The following ADGRG7 variants were observed in gnomAD, a reference collection of about 807,000 sequenced individuals.
The protein encoded by ADGRG7 is adhesion G protein-coupled receptor G7.
A neutral mutation model predicts 88.6 loss-of-function variants in ADGRG7; 82 were observed. That is an observed-to-expected ratio of 0.93 (90% CI 0.77 to 1.11). The LOEUF (loss-of-function observed/expected upper bound fraction) is 1.11, where lower values mean the gene tolerates loss of function less well. Among genes scored for constraint, ADGRG7 ranks in the 50% most tolerant of loss-of-function variants. The pLI, the probability that ADGRG7 is intolerant of heterozygous loss-of-function variation, is 0.00. For missense variants in ADGRG7, 945 were observed against 953.4 expected (o/e 0.99, Z 0.12); for synonymous variants, 381 against 345.2 (o/e 1.10, Z -1.15).
chr3:100,626,562 G>A (rs956379833), intron 1 of ADGRG7, among the ~76,000 whole-genome samples: 16 of 152,238 alleles, frequency 1.1e-4, no homozygotes, highest in African/African-American at 2.6e-4. Flanking sequence ...CAAGGTGGGC[G>A]GATCGTGAGG....
chr3:100,651,685 T>A (rs79801483), intron 11 of ADGRG7, among the ~76,000 whole-genome samples: 3 of 144,418 alleles, frequency 2.1e-5, no homozygotes, highest in East Asian at 3.9e-4. Flanking sequence ...CTCAAACAAA[T>A]TTTTTTTTTT....
chr3:100,658,665 A>G (rs2094940766), intron 13 of ADGRG7, among the ~76,000 whole-genome samples: 1 of 151,918 alleles, frequency 6.6e-6, no homozygotes, highest in African/African-American at 2.4e-5. Flanking sequence ...GCTTTTTTCC[A>G]TGAGGTTTTC....
At chr3:100,646,804 C>A (rs1178588463) in intron 10 of ADGRG7, 80 bp downstream of exon 10, 2 of 1,161,992 alleles carry the variant, frequency 1.7e-6, no homozygotes, top group Non-Finnish European at 2.5e-6. Context: ...TTGGAGATAA[C>A]TTTGGGATTT....
At chr3:100,647,786 C>T (rs907214308) in intron 10 of ADGRG7, among the ~76,000 whole-genome samples, 49 of 152,094 alleles carry the variant, frequency 3.2e-4, no homozygotes, top group Middle Eastern at 3.2e-3. Context: ...GTGTTCTTCT[C>T]CTTAGTAAGG....
chr3:100,648,023 T>C (rs1707784637), intron 10 of ADGRG7, among the ~76,000 whole-genome samples: 2 of 152,194 alleles, frequency 1.3e-5, no homozygotes, highest in Non-Finnish European at 2.9e-5. Context: ...TTATTTCTTT[T>C]CTAATTTGTA....
chr3:100,686,802 G>A (rs1471580844), intron 15 of ADGRG7, among the ~76,000 whole-genome samples: 2 of 152,192 alleles, frequency 1.3e-5, no homozygotes, highest in Admixed American at 1.3e-4. Context: ...TTTGAAGTCA[G>A]GTAGCATGAT....
chr3:100,683,473 C>G (rs1384799553), intron 15 of ADGRG7, among the ~76,000 whole-genome samples: 1 of 152,234 alleles, frequency 6.6e-6, no homozygotes, highest in Non-Finnish European at 1.5e-5. Context: ...TATGGTAGGC[C>G]TGGTCCATCT....
chr3:100,679,928 G>T (rs1373269083), intron 15 of ADGRG7, among the ~76,000 whole-genome samples: 1 of 152,034 alleles, frequency 6.6e-6, no homozygotes, highest in East Asian at 1.9e-4. Context: ...GGTCTATTTT[G>T]GTGAATAAAA....
At chr3:100,628,284 A>G (rs1221126914) in intron 1 of ADGRG7, among the ~76,000 whole-genome samples, 1 of 152,080 alleles carries the variant, frequency 6.6e-6, no homozygotes, top group African/African-American at 2.4e-5. Flanking sequence ...ACGTTTGTGC[A>G]ATTATTACCA....
chr3:100,676,943 G>C (rs1322385800), intron 15 of ADGRG7, among the ~76,000 whole-genome samples: 1 of 151,766 alleles, frequency 6.6e-6, no homozygotes, highest in Non-Finnish European at 1.5e-5. Context: ...TTTCTGTGGA[G>C]TATCTTTCTC....
chr3:100,689,470 C>G (rs556951955), intron 15 of ADGRG7, among the ~76,000 whole-genome samples: 31 of 152,162 alleles, frequency 2.0e-4, no homozygotes, highest in Admixed American at 1.2e-3. Context: ...TTCCTAGCCT[C>G]GATGGTCTTT....
At chr3:100,678,333 T>G (rs1340120470) in intron 15 of ADGRG7, among the ~76,000 whole-genome samples, 1 of 152,160 alleles carries the variant, frequency 6.6e-6, no homozygotes, top group Non-Finnish European at 1.5e-5. Flanking sequence ...ATTTTATCTC[T>G]GTGTTATCTT....
intron 6 of ADGRG7, among the ~76,000 whole-genome samples, chr3:100,642,810 C>G (rs1707666612): frequency 6.6e-6 from 1 of 152,144 alleles, no homozygotes; most frequent in South Asian, 2.1e-4. Context: ...GAACTGTCAC[C>G]TCAGGAACGA....
chr3:100,633,374 G>A lies in ADGRG7; in HGVS notation c.444G>A (p.Lys148=), dbSNP rs1198608437. ...NCNENLETLE[K]QVKDVTAPLN... The stretch of plus-strand genomic sequence containing the variant: ...ATGAAAATCTGGAAACCCTGGAAAA[G>A]CAGGTATGCCATATGACTCACTGAT... The change falls in exon 4 of 16, where the codon AAG becomes AAA. Residue 148 remains lysine, a synonymous_variant. Transcript: ENST00000273352. The A allele has an allele frequency of 3.2e-6, 5 of 1,570,102 alleles. No individual in the cohort carries two copies. The South Asian group carries it at 4.7e-5, about 15-fold the overall frequency.
At position 100,668,819 on chromosome 3, in the gene ADGRG7, G is replaced by GGGC. The variant is rs1225559575; in HGVS notation, c.1980-129_1980-127dup. 7.4e-6 allele frequency: 4 copies of GGGC among 537,876 alleles called. No homozygotes were observed. The Admixed American group carries it at 1.6e-4, about 22-fold the overall frequency. The allele number at this position is 537,876 out of a possible 1,614,324, so 33.3% of individuals were successfully genotyped here. On this transcript the variant is annotated intron_variant, in intron 14 of 15. Coordinates refer to ENST00000273352, the MANE Select transcript of ADGRG7 (RefSeq NM_032787.3). ...AGACTTAGCATCATTTTTCCACCTG[G>GGGC]GGCATAATATTGTTAAGTGAACAAT...
At chr3:100,643,031 CA>C (rs1707671768) in intron 6 of ADGRG7, among the ~76,000 whole-genome samples, 1 of 152,082 alleles carries the variant, frequency 6.6e-6, no homozygotes. Context: ...ACCTTTTTGC[CA>C]TCTATGTTCA....
rs2094958639 is a variant in ADGRG7 at position 100,671,530 on chromosome 3, CT to C, written c.2136+2429del. On this transcript the variant is annotated intron_variant, in intron 15 of 15. Coordinates refer to ENST00000273352, the MANE Select transcript of ADGRG7 (RefSeq NM_032787.3). ...TGCCTGTTCACTCTGATGATAGTTT[CT>C]TTTGCTGCACAGAAGCTCTTTAGTT... Among the ~76,000 whole-genome samples, 3 of 152,208 alleles carry C rather than the reference CT, an allele frequency of 2.0e-5. No homozygotes were observed. In the South Asian group the frequency reaches 6.2e-4, roughly 31 times the overall value.
At chr3:100,666,676 G>A (rs1010198503) in intron 14 of ADGRG7, among the ~76,000 whole-genome samples, 1 of 152,096 alleles carries the variant, frequency 6.6e-6, no homozygotes, top group South Asian at 2.1e-4. Flanking sequence ...ATCCTCCTCA[G>A]CACAGACCCT....
At position 100,649,700 on chromosome 3, in the gene ADGRG7, C is replaced by A. The variant is rs2094926177; in HGVS notation, c.1272C>A (p.Phe424Leu). 7 of 1,578,566 alleles carry A rather than the reference C, an allele frequency of 4.4e-6. No homozygotes were observed. Among genetic ancestry groups the A allele is most frequent in the African/African-American group, 1.3e-5 (1 of 74,074 alleles). ...AGTCTTACCTTGTTTTTCAGACTTT[C>A]AAAAAGGATTATCAATATCCCAAAT... Reference protein sequence around the residue: ...HTTNFAVLMTFKKDYQYPKSL... With the variant: ...HTTNFAVLMTLKKDYQYPKSL... Residue 424 changes from phenylalanine (F) to leucine (L), a missense_variant, in exon 11 of 16, where the codon TTC (phenylalanine) becomes TTA (leucine). Phe to Leu is a conservative substitution (Grantham distance 22). Coordinates refer to ENST00000273352, the MANE Select transcript of ADGRG7 (RefSeq NM_032787.3).
Sources: gnomAD v4.1 joint callset for allele counts (sites outside exome capture counted in the v4.1 genomes callset) on GRCh38, gnomAD v4.1.1 for gene constraint, MANE v1.5 for transcripts, NCBI Gene and HGNC (gene_info 2026-07-23, HGNC 2026-07-21) for gene names.